Variants in NHSL1 observed in about 807,000 individuals in gnomAD.
NHSL1 encodes NHS-like protein 1.
NHSL1 carries 48 observed loss-of-function variants against 95.0 expected under a neutral mutation model. The observed-to-expected ratio is 0.51, with a 90% confidence interval of 0.40 to 0.64. NHSL1 has a LOEUF of 0.64. Among genes scored for constraint, NHSL1 ranks in the 30% least tolerant of loss-of-function variants. The pLI, the probability that NHSL1 is intolerant of heterozygous loss-of-function variation, is 0.00. For missense variants in NHSL1, 1,971 were observed against 2,077.7 expected, an observed-to-expected ratio of 0.95 and a Z score of 1.00; for synonymous variants, 783 against 833.9, an observed-to-expected ratio of 0.94 and a Z score of 1.05.
chr6:138,488,654 T>C (rs1384756228), intron 2 of NHSL1, among the ~76,000 whole-genome samples: 2 of 152,322 alleles, frequency 1.3e-5, no homozygotes, highest in Admixed American at 1.3e-4. Flanking sequence ...GGAGTAACCA[T>C]GAAGTCACCA....
At chr6:138,530,915 T>C (rs1185188845) in intron 1 of NHSL1, among the ~76,000 whole-genome samples, 2 of 152,100 alleles carry the variant, frequency 1.3e-5, no homozygotes, top group Non-Finnish European at 2.9e-5. Flanking sequence ...AAAGAACTTA[T>C]CCATGCAACC....
chr6:138,477,742 A>G (rs1399552236), intron 2 of NHSL1, among the ~76,000 whole-genome samples: 1 of 152,206 alleles, frequency 6.6e-6, no homozygotes, highest in Non-Finnish European at 1.5e-5. Flanking sequence ...CTGTGTTTCA[A>G]AAGGACGTTT....
intron 1 of NHSL1, among the ~76,000 whole-genome samples, chr6:138,578,486 G>A (rs1055848904): frequency 6.6e-6 from 1 of 152,134 alleles, no homozygotes; most frequent in Non-Finnish European, 1.5e-5. Context: ...AACCTAAGGA[G>A]TTCAGATTAC....
exon 1 of NHSL1, chr6:138,572,010 C>A (rs1249122549): frequency 2.2e-6 from 2 of 915,424 alleles, no homozygotes; most frequent in African/African-American, 1.7e-5. Context: ...CTGCTGTTTC[C>A]CTCTTAGACA....
At chr6:138,501,913 A>C (rs534642964), upstream of NHSL1, among the ~76,000 whole-genome samples, 1 of 152,202 alleles carries the variant, frequency 6.6e-6, no homozygotes, top group Non-Finnish European at 1.5e-5. Context: ...TAGTTGTTAT[A>C]CTGTATTGGT....
intron 1 of NHSL1, chr6:138,650,238 G>A: frequency 3.1e-6 from 2 of 636,032 alleles, no homozygotes; most frequent in Admixed American, 3.9e-5. Flanking sequence ...GGTGAAAGAT[G>A]ATCCTGATGA....
chr6:138,525,324 G>A (rs1363709694), intron 1 of NHSL1, among the ~76,000 whole-genome samples: 1 of 151,896 alleles, frequency 6.6e-6, no homozygotes, highest in South Asian at 2.1e-4. Context: ...CCGGGAGTTG[G>A]AGACCAGCCT....
intron 1 of NHSL1, among the ~76,000 whole-genome samples, chr6:138,646,496 C>T (rs1001856613): frequency 6.7e-6 from 1 of 149,238 alleles, no homozygotes; most frequent in Non-Finnish European, 1.5e-5. Flanking sequence ...GACACTGTCT[C>T]GAGGAAAAAA....
intron 1 of NHSL1, among the ~76,000 whole-genome samples, chr6:138,665,581 A>AAATG (rs1785283626): frequency 6.6e-6 from 1 of 152,238 alleles, no homozygotes; most frequent in Admixed American, 6.5e-5. Context: ...ATGGATGGAT[A>AAATG]AATGAATGAA....
At chr6:138,546,997 G>A (rs1005905833), upstream of NHSL1, among the ~76,000 whole-genome samples, 3 of 152,154 alleles carry the variant, frequency 2.0e-5, no homozygotes, top group Admixed American at 6.6e-5. Flanking sequence ...TGAGTCTCCT[G>A]GCTCAGGAAG....
In NHSL1 at chr6:138,432,597, C is replaced by T; in HGVS notation, c.1748G>A (p.Ser583Asn). 6.4e-6 allele frequency: 10 copies of T among 1,551,720 alleles called. No individual in the cohort carries two copies. In the Middle Eastern group the frequency reaches 1.7e-3, roughly 259 times the overall value. ...PGYSTPTSNM[S>N]SCSLDQTSNK... is the part of the protein sequence containing the mutation. ...GGACGTTTGGTCCAAACTGCAGCTG[C>T]TCATGTTACTTGTGGGAGTGGAATA... The change falls in exon 6 of 8, where the codon AGC (serine) becomes AAC (asparagine). Residue 583 changes from serine to asparagine, a missense_variant. By Grantham distance (46) the Ser-to-Asn change is conservative. Around this residue, in one of 3 missense-constraint regions of NHSL1, gnomAD observed 1,602 missense variants for 1,654.5 expected, o/e 0.97. Transcript: ENST00000343505. The surrounding 1 kb of genome is among the most constrained non-coding windows in gnomAD (Gnocchi z 4.4).
intron 3 of NHSL1, among the ~76,000 whole-genome samples, chr6:138,454,190 C>CACGCGTGT (rs1777428351): frequency 6.6e-6 from 1 of 151,152 alleles, no homozygotes; most frequent in African/African-American, 2.4e-5. Context: ...TATATGTGTG[C>CACGCGTGT]GTGTGTGTGT....
intron 1 of NHSL1, among the ~76,000 whole-genome samples, chr6:138,659,968 G>A (rs1191984377): frequency 6.6e-6 from 1 of 152,064 alleles, no homozygotes; most frequent in Non-Finnish European, 1.5e-5. Flanking sequence ...CACCTGCCTT[G>A]GCCTCCCAAC....
Position 138,565,114 on chromosome 6 carries a change from C to T in NHSL1, c.202+6596G>A, listed in dbSNP as rs149215655. ...GTTGTTTTTGTGGGTTTTTCTGTTT[C>T]TTGTTTTTCTGAGACAGAGTCTTGC... On this transcript the variant is annotated intron_variant, in intron 1 of 6. Transcript: ENST00000427025. Among the ~76,000 whole-genome samples, 763 of 152,068 alleles carry T rather than the reference C, an allele frequency of 5.0e-3. 9 individuals are homozygous for T. Among genetic ancestry groups the T allele is most frequent in the African/African-American group, 0.017 (722 of 41,484 alleles).
intron 1 of NHSL1, among the ~76,000 whole-genome samples, chr6:138,587,959 A>C (rs1333112537): frequency 6.6e-6 from 1 of 152,228 alleles, no homozygotes. Context: ...CCCATCATAC[A>C]CCTTCATGGT....
chr6:138,671,499 G>A (rs1307706655), intron 1 of NHSL1, among the ~76,000 whole-genome samples: 1 of 150,830 alleles, frequency 6.6e-6, no homozygotes, highest in Non-Finnish European at 1.5e-5. Context: ...AAATGAAGAA[G>A]TAAACCAAGA....
rs1297368809 is a variant in NHSL1, at chr6:138,432,495, T to C, written c.1850A>G (p.His617Arg). 3.9e-6 allele frequency: 6 copies of C among 1,552,142 alleles called. No homozygotes were observed. Among genetic ancestry groups the C allele is most frequent in the South Asian group, 1.2e-5 (1 of 84,066 alleles). The change falls in exon 6 of 8, where the codon CAT becomes CGT. Residue 617 changes from histidine to arginine, a missense_variant. By Grantham distance (29) the His-to-Arg change is conservative. Around this residue, in one of 3 missense-constraint regions of NHSL1, gnomAD observed 1,602 missense variants for 1,654.5 expected, o/e 0.97. Coordinates refer to ENST00000343505, the MANE Select transcript of NHSL1 (RefSeq NM_001144060.2). This position sits in a 1 kb window ranked among gnomAD's most constrained non-coding sequence, Gnocchi z 4.4. ...YCASVHTDSG[H>R]GSGNLCNSSD... Reference sequence around the variant, plus strand: ...GCTATTGCACAGATTCCCAGATCCATGTCCAGAGTCAGTGTGCACAGATGC... The same window carrying C: ...GCTATTGCACAGATTCCCAGATCCACGTCCAGAGTCAGTGTGCACAGATGC...
At chr6:138,545,690 A>C (rs1782763388) in exon 1 of NHSL1, 4 of 1,287,700 alleles carry the variant, frequency 3.1e-6, no homozygotes, top group Non-Finnish European at 3.0e-6. Flanking sequence ...TGAAGCCTGC[A>C]GTGCTAGGCA....
intron 1 of NHSL1, among the ~76,000 whole-genome samples, chr6:138,612,004 G>A (rs1583448800): frequency 1.3e-5 from 2 of 150,588 alleles, no homozygotes; most frequent in East Asian, 3.9e-4. Flanking sequence ...CAGCTACTCA[G>A]GAGGCTGAGG....
Sources: allele counts gnomAD v4.1 joint callset (sites outside exome capture counted in the v4.1 genomes callset), GRCh38; gene constraint gnomAD v4.1.1; regional missense constraint gnomAD v4.1.1; non-coding constraint Gnocchi (gnomAD v3.1); transcripts MANE v1.5; gene names NCBI Gene and HGNC (gene_info 2026-07-23, HGNC 2026-07-21).